KCTD8: variants seen among roughly 807,000 people sequenced by gnomAD.
The protein encoded by KCTD8 is potassium channel tetramerization domain containing 8.
A neutral mutation model predicts 31.5 loss-of-function variants in KCTD8; 27 were observed. That is an observed-to-expected ratio of 0.86 (90% CI 0.63 to 1.18). The LOEUF (loss-of-function observed/expected upper bound fraction) is 1.18, where lower values mean the gene tolerates loss of function less well. KCTD8 is among the 50% of genes most tolerant of loss of function. The probability of loss-of-function intolerance (pLI) is 0.00; values close to 1 mark genes in which losing one functional copy is unlikely to be tolerated. For synonymous variants in KCTD8, 290 were observed against 280.0 expected, an observed-to-expected ratio of 1.04 and a Z score of -0.36; for missense variants, 658 against 647.7, an observed-to-expected ratio of 1.02 and a Z score of -0.17.
chr4:44,320,233 T>C (rs538130470), intron 1 of KCTD8, among the ~76,000 whole-genome samples: 3 of 139,260 alleles, frequency 2.2e-5, no homozygotes, highest in South Asian at 2.5e-4. Flanking sequence ...TCTGCTTCCA[T>C]GGGGCTTCAA....
At chr4:44,197,127 G>A (rs1199148431) in intron 1 of KCTD8, among the ~76,000 whole-genome samples, 1 of 152,102 alleles carries the variant, frequency 6.6e-6, no homozygotes, top group Non-Finnish European at 1.5e-5. Flanking sequence ...GTGACTCCCT[G>A]AACTCCTGAT....
intron 1 of KCTD8, among the ~76,000 whole-genome samples, chr4:44,439,022 T>A (rs185269495): frequency 5.3e-4 from 81 of 152,328 alleles, no homozygotes; most frequent in African/African-American, 1.9e-3. Context: ...GGTATCTGAT[T>A]TAGAAGTATT....
chr4:44,277,506 C>CA (rs538500365), intron 1 of KCTD8, among the ~76,000 whole-genome samples: 41 of 151,616 alleles, frequency 2.7e-4, no homozygotes, highest in Non-Finnish European at 5.2e-4. Flanking sequence ...TGGTACGCTG[C>CA]AAAAAACAGC....
intron 1 of KCTD8, among the ~76,000 whole-genome samples, chr4:44,265,657 C>G (rs1477003999): frequency 6.6e-6 from 1 of 151,972 alleles, no homozygotes; most frequent in East Asian, 1.9e-4. Flanking sequence ...AAAATGTAGA[C>G]AAATGTATAA....
chr4:44,320,991 G>A (rs1718281548), intron 1 of KCTD8, among the ~76,000 whole-genome samples: 1 of 152,162 alleles, frequency 6.6e-6, no homozygotes, highest in African/African-American at 2.4e-5. Context: ...AGCATTCCCA[G>A]GTGTATTTGT....
At chr4:44,240,016 A>G (rs1207960985) in intron 1 of KCTD8, among the ~76,000 whole-genome samples, 1 of 152,212 alleles carries the variant, frequency 6.6e-6, no homozygotes, top group Non-Finnish European at 1.5e-5. Flanking sequence ...TCAGAGATGC[A>G]ACCTAATACT....
chr4:44,393,295 T>G (rs1005869774), intron 1 of KCTD8, among the ~76,000 whole-genome samples: 1 of 152,024 alleles, frequency 6.6e-6, no homozygotes, highest in African/African-American at 2.4e-5. Context: ...TTATTCTGTT[T>G]TCCTAAAGTT....
chr4:44,304,520 T>A (rs1256077402), intron 1 of KCTD8, among the ~76,000 whole-genome samples: 1 of 152,112 alleles, frequency 6.6e-6, no homozygotes, highest in African/African-American at 2.4e-5. Flanking sequence ...TAACATCTAG[T>A]CAACATAAAG....
At chr4:44,306,728 G>C (rs75975754) in intron 1 of KCTD8, among the ~76,000 whole-genome samples, 1 of 151,936 alleles carries the variant, frequency 6.6e-6, no homozygotes, top group Non-Finnish European at 1.5e-5. Flanking sequence ...CCAGAGCTTA[G>C]CCAACTGCCA....
intron 1 of KCTD8, among the ~76,000 whole-genome samples, chr4:44,228,004 C>G (rs1247119816): frequency 1.3e-5 from 2 of 152,030 alleles, no homozygotes; most frequent in East Asian, 3.9e-4. Flanking sequence ...TATTTAATAC[C>G]TATTATTGGC....
intron 1 of KCTD8, among the ~76,000 whole-genome samples, chr4:44,413,179 CAG>C (rs1285421253): frequency 6.6e-6 from 1 of 152,078 alleles, no homozygotes; most frequent in African/African-American, 2.4e-5. Flanking sequence ...TGCAAGTTCC[CAG>C]AGAGGAAAAT....
intron 1 of KCTD8, among the ~76,000 whole-genome samples, chr4:44,388,101 T>C (rs1308421822): frequency 6.6e-6 from 1 of 150,848 alleles, no homozygotes; most frequent in Non-Finnish European, 1.5e-5. Flanking sequence ...AATCATAATT[T>C]AAAAAGTTCA....
At chr4:44,329,418 A>G (rs1718535694) in intron 1 of KCTD8, among the ~76,000 whole-genome samples, 1 of 151,964 alleles carries the variant, frequency 6.6e-6, no homozygotes, top group South Asian at 2.1e-4. Flanking sequence ...CATTTTACAC[A>G]TTTCCTAATA....
chr4:44,179,463 T>A (rs1713312450), intron 1 of KCTD8, among the ~76,000 whole-genome samples: 1 of 149,474 alleles, frequency 6.7e-6, no homozygotes, highest in Admixed American at 6.7e-5. Flanking sequence ...TAATTAGAAT[T>A]AAATATATAT....
chr4:44,231,967 G>C (rs193033098), intron 1 of KCTD8, among the ~76,000 whole-genome samples: 333 of 152,206 alleles, frequency 2.2e-3, no homozygotes, highest in Non-Finnish European at 3.1e-3. Context: ...TTGTATAATG[G>C]AGTAAACAGC....
At position 44,438,956 on chromosome 4, in the gene KCTD8, G is replaced by A. The variant is rs369995353; in HGVS notation, c.961+8607C>T. Among the ~76,000 whole-genome samples the A allele has an allele frequency of 3.3e-5, 5 of 152,266 alleles. No homozygotes were observed. In the East Asian group the frequency reaches 5.8e-4, roughly 18 times the overall value. ...ATTGTTTCTCTCACTTTCCCTTCAG[G>A]AGGGAGCATGAAATTATTTTCCCAA... On this transcript the variant is annotated intron_variant, in intron 1 of 1. Transcript: ENST00000360029.
In KCTD8 at chr4:44,434,658, G is replaced by GA. The variant is rs1414277940; in HGVS notation, c.961+12904dup. ...ATGGAGAGCAAGTTGAACAAAAAAAGAAAGCACTGTCTCTAACTGAAGAAA... is the reference window on the plus strand; with the variant it reads ...ATGGAGAGCAAGTTGAACAAAAAAAGAAAAGCACTGTCTCTAACTGAAGAAA... On this transcript the variant is annotated intron_variant, in intron 1 of 1. Transcript: ENST00000360029. Among the ~76,000 whole-genome samples the GA allele has an allele frequency of 2.0e-5, 3 of 151,978 alleles. No homozygotes were observed. The East Asian group carries it at 5.8e-4, about 29-fold the overall frequency.
intron 1 of KCTD8, among the ~76,000 whole-genome samples, chr4:44,427,059 AAGAG>A (rs982946831): frequency 6.6e-6 from 1 of 151,642 alleles, no homozygotes; most frequent in African/African-American, 2.4e-5. Flanking sequence ...TAATTATTTC[AAGAG>A]AGAGAGGAAA....
chr4:44,205,497 G>A (rs1310246483), intron 1 of KCTD8, among the ~76,000 whole-genome samples: 2 of 152,160 alleles, frequency 1.3e-5, no homozygotes, highest in Non-Finnish European at 2.9e-5. Flanking sequence ...CTGAATATAT[G>A]CAATAAAACT....
Sources: gnomAD v4.1 joint callset for allele counts (sites outside exome capture counted in the v4.1 genomes callset) on GRCh38, gnomAD v4.1.1 for gene constraint, MANE v1.5 for transcripts, NCBI Gene and HGNC (gene_info 2026-07-23, HGNC 2026-07-21) for gene names.